SYNE2: variants seen among roughly 807,000 people sequenced by gnomAD.
SYNE2 encodes the protein nesprin-2.
A neutral mutation model predicts 856.3 loss-of-function variants in SYNE2; 431 were observed. That is an observed-to-expected ratio of 0.50 (90% CI 0.47 to 0.55). The LOEUF (loss-of-function observed/expected upper bound fraction) is 0.55. Among genes scored for constraint, SYNE2 ranks in the 20% least tolerant of loss-of-function variants. The probability of loss-of-function intolerance (pLI) is 0.00; values close to 1 mark genes in which losing one functional copy is unlikely to be tolerated. For missense variants in SYNE2, 8,129 were observed against 8,023.2 expected (o/e 1.01, Z -0.50); for synonymous variants, 2,923 against 2,872.3 (o/e 1.02, Z -0.56).
chr14:64,199,724 A>T (rs899478090), intron 99 of SYNE2, among the ~76,000 whole-genome samples: 3 of 150,422 alleles, frequency 2.0e-5, no homozygotes, highest in African/African-American at 5.0e-5. Flanking sequence ...AAAAAAAAAA[A>T]AAAAAAAAAA....
Position 64,137,874 on chromosome 14 carries a change from C to G in SYNE2, c.14734C>G (p.Pro4912Ala), listed in dbSNP as rs17766354. ...GKQLVASVSC[P>A]ELEGQIAKLE... ...ACAGTTGGTGGCGTCTGTGAGCTGT[C>G]CTGAATTAGAGGGCCAGATCGCAAA... Residue 4912 changes from proline (P) to alanine (A), a missense_variant, in exon 79 of 116, where the codon CCT becomes GCT. Transcript: ENST00000555002. 0.037 allele frequency: 59,155 copies of G among 1,614,114 alleles called. 1,243 individuals are homozygous for G. Among genetic ancestry groups the G allele is most frequent in the Middle Eastern group, 0.065 (393 of 6,062 alleles).
rs550995073 is a variant in SYNE2 at position 63,783,253 on chromosome 14, C to T, written c.-305+21267C>T. Among the ~76,000 whole-genome samples, 13 of 152,240 alleles carry T rather than the reference C, an allele frequency of 8.5e-5. No individual in the cohort carries two copies. The East Asian group carries it at 2.1e-3, about 25-fold the overall frequency. ...CTGCGCTAATTCTCCTTTTTGCGGC[C>T]TTGTGAAGAGGGTATCTTGCTTTCC... On this transcript the variant is annotated intron_variant, in intron 1 of 23. Transcript: ENST00000674003.
At chr14:64,018,309 G>T (rs561555911) in intron 34 of SYNE2, among the ~76,000 whole-genome samples, 1 of 152,008 alleles carries the variant, frequency 6.6e-6, no homozygotes, top group East Asian at 1.9e-4. Flanking sequence ...GCACGATCTC[G>T]GCTCACTGCA....
At position 64,208,964 on chromosome 14, in the gene SYNE2, CA is replaced by C. The variant is rs770143588; in HGVS notation, c.18389+22del. 1.2e-6 allele frequency: 2 copies of C among 1,611,902 alleles called. No homozygotes were observed. Among genetic ancestry groups the C allele is most frequent in the Non-Finnish European group, 1.7e-6 (2 of 1,179,286 alleles). ...GCATGAAGTAAGAACTAAGCTCCCC[CA>C]AATGCCTTCAGCGTGGTCAGCCGAA... On this transcript the variant is annotated intron_variant, in intron 101 of 115. Transcript: ENST00000555002.
intron 110 of SYNE2, among the ~76,000 whole-genome samples, 161 bp from the exon 111 acceptor site, chr14:64,220,276 C>CT (rs2098688369): frequency 6.6e-6 from 1 of 152,172 alleles, no homozygotes; most frequent in African/African-American, 2.4e-5. Flanking sequence ...AGGCAGCTCC[C>CT]TCACCTGATG....
At position 64,030,072 on chromosome 14, in the gene SYNE2, G is replaced by A; in HGVS notation, c.6879+13G>A. 1.9e-6 allele frequency: 3 copies of A among 1,613,170 alleles called. No homozygotes were observed. Among genetic ancestry groups the A allele is most frequent in the Non-Finnish European group, 1.7e-6 (2 of 1,179,396 alleles). On this transcript the variant is annotated intron_variant, in intron 44 of 115. Coordinates refer to ENST00000555002, the MANE Select transcript of SYNE2 (RefSeq NM_182914.3). ...GCAGAAACTGCAGGTACTAAACGGT[G>A]TCCAGACATGATAGACATTTAAAAA...
Position 64,168,878 on chromosome 14 carries a change from T to C in SYNE2, c.16907T>C (p.Met5636Thr), listed in dbSNP as rs1366841829. The change falls in exon 93 of 116, where the codon ATG (methionine) becomes ACG (threonine). Residue 5636 changes from methionine to threonine, a missense_variant and splice_region_variant. Met to Thr is a moderately conservative substitution (Grantham distance 81, BLOSUM62 -1). Around this residue, in one of 3 missense-constraint regions of SYNE2, gnomAD observed 5,410 missense variants for 5,284.8 expected, o/e 1.02. Coordinates refer to ENST00000555002, the MANE Select transcript of SYNE2 (RefSeq NM_182914.3). ...ELLEQQKTYK[M>T]LEAEVSINQT... is the part of the protein sequence containing the mutation. ...TTTTCTGCTTGGACTCATATACAGATGTTAGAAGCTGAAGTTTCTATAAAC... is the reference window on the plus strand; with the variant it reads ...TTTTCTGCTTGGACTCATATACAGACGTTAGAAGCTGAAGTTTCTATAAAC... 10 of 1,610,692 alleles carry C rather than the reference T, an allele frequency of 6.2e-6. No homozygotes were observed. The highest frequency in any genetic ancestry group is 2.7e-5 in the African/African-American group (2 of 74,846).
intron 80 of SYNE2, 103 bp from the exon 81 acceptor site, chr14:64,141,238 G>C (rs1192467118): frequency 2.3e-6 from 2 of 883,946 alleles, no homozygotes; most frequent in East Asian, 5.4e-5. Flanking sequence ...ATACACATTC[G>C]TATATTTACT....
At chr14:64,176,011 C>T (rs113998370) in intron 95 of SYNE2, among the ~76,000 whole-genome samples, 5 of 152,286 alleles carry the variant, frequency 3.3e-5, no homozygotes, top group African/African-American at 1.2e-4. Context: ...TTTTGCTTCT[C>T]CTTTGCTTTC....
At chr14:64,065,751 A>C in intron 51 of SYNE2, 101 bp downstream of exon 51, 2 of 1,325,062 alleles carry the variant, frequency 1.5e-6, no homozygotes, top group Non-Finnish European at 2.1e-6. Context: ...TCCTTAGCCT[A>C]TACCATTTGT....
At chr14:63,834,425 GT>G in intron 1 of SYNE2, among the ~76,000 whole-genome samples, 1 of 152,130 alleles carries the variant, frequency 6.6e-6, no homozygotes, top group East Asian at 1.9e-4. Flanking sequence ...TTTGTTTAAA[GT>G]TCTTCAGACT....
chr14:64,154,862 C>T (rs775203520), intron 85 of SYNE2, among the ~76,000 whole-genome samples: 48 of 151,478 alleles, frequency 3.2e-4, no homozygotes, highest in Non-Finnish European at 5.9e-4. Context: ...TACAAATGGC[C>T]GAAAAGTGCA....
chr14:64,193,767 GT>G (rs1250287196), intron 99 of SYNE2, among the ~76,000 whole-genome samples: 1 of 152,206 alleles, frequency 6.6e-6, no homozygotes, highest in African/African-American at 2.4e-5. Context: ...AGCCTCCATT[GT>G]TGGATAGATA....
intron 1 of SYNE2, among the ~76,000 whole-genome samples, chr14:63,903,453 A>G (rs531625697): frequency 2.0e-5 from 3 of 152,036 alleles, no homozygotes; most frequent in Non-Finnish European, 4.4e-5. Context: ...TTTGGGTGCT[A>G]TGTTATCTAA....
At chr14:64,026,415 AAG>A (rs2096979106) in intron 41 of SYNE2, among the ~76,000 whole-genome samples, 162 bp from the exon 42 acceptor site, 1 of 152,214 alleles carries the variant, frequency 6.6e-6, no homozygotes, top group African/African-American at 2.4e-5. Flanking sequence ...ATATAATGTG[AAG>A]AGAGATATCT....
At chr14:63,872,818 T>C (rs1407276345) in intron 1 of SYNE2, among the ~76,000 whole-genome samples, 1 of 152,042 alleles carries the variant, frequency 6.6e-6, no homozygotes, top group East Asian at 1.9e-4. Context: ...TTACTGTATG[T>C]TGCACATTCT....
intron 58 of SYNE2, among the ~76,000 whole-genome samples, chr14:64,089,137 G>A (rs1246537202): frequency 6.6e-5 from 10 of 151,966 alleles, no homozygotes; most frequent in East Asian, 1.9e-4. Context: ...AGGCCGAGGC[G>A]GGTGGATCAC....
chr14:64,224,181 CAA>C (rs35804232), intron 113 of SYNE2, among the ~76,000 whole-genome samples: 1,612 of 74,720 alleles, frequency 0.022, 58 homozygotes, highest in African/African-American at 0.084. Context: ...CCCGTCTCTG[CAA>C]AAAAAAAAAA....
intron 57 of SYNE2, chr14:64,087,448 A>G (rs2097572245): frequency 1.4e-6 from 1 of 697,120 alleles, no homozygotes. Flanking sequence ...GTGGACCAAG[A>G]CCAAATATTT....
Sources: allele counts gnomAD v4.1 joint callset (sites outside exome capture counted in the v4.1 genomes callset), GRCh38; gene constraint gnomAD v4.1.1; regional missense constraint gnomAD v4.1.1; transcripts MANE v1.5; gene names NCBI Gene and HGNC (gene_info 2026-07-23, HGNC 2026-07-21).